ATF7IP: variants seen among roughly 807,000 people sequenced by gnomAD.
ATF7IP encodes the protein activating transcription factor 7-interacting protein 1.
ATF7IP carries 23 observed loss-of-function variants against 106.4 expected under a neutral mutation model. That is an observed-to-expected ratio of 0.22 (90% CI 0.16 to 0.31). ATF7IP has a LOEUF of 0.31. Ranked by LOEUF, ATF7IP falls within the 10% of genes least tolerant of loss-of-function variation. ATF7IP has a pLI of 1.00. For synonymous variants in ATF7IP, 542 were observed against 539.0 expected (o/e 1.01, Z -0.08); for missense variants, 1,334 against 1,524.3 (o/e 0.88, Z 2.08).
At chr12:14,459,532 A>C (rs912580753) in intron 8 of ATF7IP, among the ~76,000 whole-genome samples, 1 of 152,262 alleles carries the variant, frequency 6.6e-6, no homozygotes, top group African/African-American at 2.4e-5. Flanking sequence ...CTAAAGCATC[A>C]GAAGTTTTAC....
intron 9 of ATF7IP, among the ~76,000 whole-genome samples, chr12:14,465,627 T>C (rs949449640): frequency 6.6e-6 from 1 of 152,156 alleles, no homozygotes; most frequent in Non-Finnish European, 1.5e-5. Flanking sequence ...TTTTTACTTC[T>C]GTACCCTGGA....
At chr12:14,455,604 A>G (rs1943395192) in intron 6 of ATF7IP, among the ~76,000 whole-genome samples, 1 of 151,986 alleles carries the variant, frequency 6.6e-6, no homozygotes, top group African/African-American at 2.4e-5. Flanking sequence ...TTTGTTTTTG[A>G]GGCATGTTCT....
intron 13 of ATF7IP, among the ~76,000 whole-genome samples, chr12:14,495,121 C>G (rs1043446567): frequency 6.6e-6 from 1 of 152,036 alleles, no homozygotes; most frequent in Non-Finnish European, 1.5e-5. Context: ...TCACGTTTTT[C>G]TGCCTGCTTT....
Position 14,455,741 on chromosome 12 carries a change from C to T in ATF7IP, c.1996-820C>T, listed in dbSNP as rs115560868. Among the ~76,000 whole-genome samples the T allele has an allele frequency of 9.4e-3, 1,427 of 152,036 alleles. 14 individuals are homozygous for T. Among genetic ancestry groups the T allele is most frequent in the African/African-American group, 0.026 (1,086 of 41,452 alleles). ...GTGGGACCACAGGCGTGTATTACCA[C>T]GCCTGGCTAATTTTTGTATTTTTTT... On this transcript the variant is annotated intron_variant, in intron 6 of 14. Coordinates refer to ENST00000261168, the MANE Select transcript of ATF7IP (RefSeq NM_018179.5).
chr12:14,409,144 AT>A (rs1431081788), intron 1 of ATF7IP, among the ~76,000 whole-genome samples: 1 of 152,068 alleles, frequency 6.6e-6, no homozygotes, highest in Non-Finnish European at 1.5e-5. Flanking sequence ...TAGATACTCG[AT>A]AAAAATGTCA....
intron 5 of ATF7IP, among the ~76,000 whole-genome samples, chr12:14,446,586 T>G (rs1047465934): frequency 5.3e-5 from 8 of 152,250 alleles, no homozygotes; most frequent in African/African-American, 1.9e-4. Flanking sequence ...TATGTAGTAT[T>G]GGCAAGGGAT....
At chr12:14,488,046 G>T (rs1320773564) in intron 13 of ATF7IP, among the ~76,000 whole-genome samples, 2 of 151,944 alleles carry the variant, frequency 1.3e-5, no homozygotes, top group Non-Finnish European at 2.9e-5. Context: ...GCATTTGTGG[G>T]TCTAATCATA....
At chr12:14,470,119 C>A (rs949115794) in intron 10 of ATF7IP, among the ~76,000 whole-genome samples, 5 of 152,072 alleles carry the variant, frequency 3.3e-5, no homozygotes, top group African/African-American at 1.2e-4. Flanking sequence ...GATAACTAAC[C>A]AAGTCTCAAT....
At chr12:14,448,391 A>G (rs961804201) in intron 6 of ATF7IP, among the ~76,000 whole-genome samples, 6 of 152,156 alleles carry the variant, frequency 3.9e-5, no homozygotes, top group Non-Finnish European at 8.8e-5. Flanking sequence ...TTAAAAATTC[A>G]TTGTGCATTT....
chr12:14,378,748 G>A (rs1410228888), intron 1 of ATF7IP, among the ~76,000 whole-genome samples: 2 of 152,282 alleles, frequency 1.3e-5, no homozygotes, highest in East Asian at 1.9e-4. Flanking sequence ...CCTTGATACA[G>A]TTATGACAGT....
chr12:14,448,175 A>G (rs1943058633), intron 6 of ATF7IP, among the ~76,000 whole-genome samples: 1 of 152,026 alleles, frequency 6.6e-6, no homozygotes, highest in East Asian at 1.9e-4. Flanking sequence ...CATTTTTCCT[A>G]GAGGTTTTCT....
Position 14,425,467 on chromosome 12 carries a change from T to C in ATF7IP, c.1552T>C (p.Ser518Pro), listed in dbSNP as rs1941794434. 1.9e-6 allele frequency: 3 copies of C among 1,541,884 alleles called. No individual in the cohort carries two copies. The highest frequency in any genetic ancestry group is 1.3e-5 in the South Asian group (1 of 79,890). ...SEVISQNETC[S>P]PAEVESNEKD... The stretch of plus-strand genomic sequence containing the variant: ...AGTTATATCGCAAAATGAAACGTGC[T>C]CTCCAGGTTAGCATATAACTTAAAT... Residue 518 changes from serine (S) to proline (P), a missense_variant, in exon 2 of 15, where the codon TCT (serine) becomes CCT (proline). By Grantham distance (74) the Ser-to-Pro change is moderately conservative. This residue lies in a region of ATF7IP where 119 missense variants were observed against 117.8 expected (regional missense o/e 1.01). Transcript: ENST00000261168.
At chr12:14,373,695 C>T (rs1938617644) in intron 1 of ATF7IP, among the ~76,000 whole-genome samples, 1 of 152,130 alleles carries the variant, frequency 6.6e-6, no homozygotes, top group Non-Finnish European at 1.5e-5. Context: ...CAAAGTACTT[C>T]ATAATTTGGT....
chr12:14,462,219 T>C (rs1159143692), intron 9 of ATF7IP, among the ~76,000 whole-genome samples: 7 of 152,112 alleles, frequency 4.6e-5, no homozygotes, highest in Admixed American at 4.6e-4. Flanking sequence ...AATGTTTGCA[T>C]AGTACAGGGC....
intron 1 of ATF7IP, chr12:14,420,339 A>G (rs149596727): frequency 6.6e-6 from 1 of 152,402 alleles, no homozygotes; most frequent in East Asian, 1.9e-4. Context: ...TGTAATTGAT[A>G]AAGAAGTTGG....
intron 2 of ATF7IP, among the ~76,000 whole-genome samples, chr12:14,426,344 C>T (rs1470644816): frequency 2.0e-5 from 3 of 151,836 alleles, no homozygotes; most frequent in African/African-American, 7.3e-5. Flanking sequence ...CTTTCTTTTC[C>T]CATTATATCA....
At chr12:14,457,973 A>G (rs1437202325) in intron 8 of ATF7IP, among the ~76,000 whole-genome samples, 1 of 152,082 alleles carries the variant, frequency 6.6e-6, no homozygotes, top group East Asian at 1.9e-4. Context: ...TGGTGCCTGT[A>G]ATCCCAGCTA....
intron 2 of ATF7IP, among the ~76,000 whole-genome samples, chr12:14,431,864 A>G (rs889057659): frequency 1.3e-5 from 2 of 152,196 alleles, no homozygotes; most frequent in African/African-American, 4.8e-5. Flanking sequence ...ATAAAATTAA[A>G]GAAATATAAG....
chr12:14,471,310 T>C (rs886867611), intron 10 of ATF7IP, among the ~76,000 whole-genome samples: 1 of 152,204 alleles, frequency 6.6e-6, no homozygotes, highest in African/African-American at 2.4e-5. Context: ...TAATTTGGAT[T>C]ATTTGTATGT....
Sources: allele counts gnomAD v4.1 joint callset (sites outside exome capture counted in the v4.1 genomes callset), GRCh38; gene constraint gnomAD v4.1.1; regional missense constraint gnomAD v4.1.1; transcripts MANE v1.5; gene names NCBI Gene and HGNC (gene_info 2026-07-23, HGNC 2026-07-21).